The following CCDC6 variants were observed in gnomAD, a reference collection of about 807,000 sequenced individuals.
The protein encoded by CCDC6 is coiled-coil domain containing 6.
In CCDC6, 20 loss-of-function variants were observed where a neutral mutation model predicts 56.6. That is an observed-to-expected ratio of 0.35 (90% CI 0.25 to 0.51). The LOEUF is 0.51. Ranked by LOEUF, CCDC6 falls within the 20% of genes least tolerant of loss-of-function variation. The probability of loss-of-function intolerance (pLI) is 0.95; values close to 1 mark genes in which losing one functional copy is unlikely to be tolerated. For missense variants in CCDC6, 367 were observed against 601.1 expected (o/e 0.61, Z 4.07); for synonymous variants, 241 against 234.4 (o/e 1.03, Z -0.26).
intron 1 of CCDC6, among the ~76,000 whole-genome samples, chr10:59,887,467 T>G (rs1479051032): frequency 1.4e-5 from 2 of 145,414 alleles, no homozygotes; most frequent in African/African-American, 5.2e-5. Context: ...CACAATGGCT[T>G]ACCATGCAAC....
chr10:59,867,102 G>A (rs1245918181), intron 1 of CCDC6, among the ~76,000 whole-genome samples: 3 of 152,192 alleles, frequency 2.0e-5, no homozygotes, highest in African/African-American at 7.2e-5. Context: ...AAATGCACCA[G>A]AGAGCAACAA....
At chr10:59,822,266 A>G (rs991321144) in intron 3 of CCDC6, among the ~76,000 whole-genome samples, 1 of 152,262 alleles carries the variant, frequency 6.6e-6, no homozygotes, top group Non-Finnish European at 1.5e-5. Context: ...ACACTATTTC[A>G]TAACTTATCA....
intron 7 of CCDC6, among the ~76,000 whole-genome samples, chr10:59,798,956 T>A (rs943900891): frequency 7.6e-6 from 1 of 130,770 alleles, no homozygotes; most frequent in African/African-American, 3.0e-5. Context: ...ATCATGCCAC[T>A]GCACTCCAGC....
At chr10:59,814,123 G>A (rs1336963185) in intron 4 of CCDC6, among the ~76,000 whole-genome samples, 3 of 152,176 alleles carry the variant, frequency 2.0e-5, no homozygotes, top group Non-Finnish European at 2.9e-5. Flanking sequence ...AATGTTTGCT[G>A]TTGAGTGACA....
chr10:59,897,108 T>C (rs1194437165), intron 1 of CCDC6, among the ~76,000 whole-genome samples: 2 of 152,182 alleles, frequency 1.3e-5, no homozygotes, highest in Non-Finnish European at 2.9e-5. Context: ...CAAAGATTAG[T>C]AGGGCTACTA....
chr10:59,895,260 C>T (rs532208976), intron 1 of CCDC6, among the ~76,000 whole-genome samples: 1 of 152,320 alleles, frequency 6.6e-6, no homozygotes, highest in African/African-American at 2.4e-5. Flanking sequence ...AATGATGGCA[C>T]CACTGCACTG....
intron 3 of CCDC6, among the ~76,000 whole-genome samples, chr10:59,816,405 A>C (rs1201036555): frequency 6.6e-6 from 1 of 152,194 alleles, no homozygotes; most frequent in African/African-American, 2.4e-5. Flanking sequence ...TATTTCCTAC[A>C]AACAGGTACA....
chr10:59,803,385 T>C (rs1467700390), intron 7 of CCDC6, among the ~76,000 whole-genome samples: 2 of 152,214 alleles, frequency 1.3e-5, no homozygotes, highest in Non-Finnish European at 2.9e-5. Context: ...AACGCTGTTT[T>C]ACTTTATAAA....
At chr10:59,859,304 A>T (rs1475019295) in intron 1 of CCDC6, among the ~76,000 whole-genome samples, 2 of 152,088 alleles carry the variant, frequency 1.3e-5, no homozygotes, top group African/African-American at 4.8e-5. Flanking sequence ...ACCACTATAA[A>T]TAAGTTATAG....
At chr10:59,873,308 G>A (rs569213977) in intron 1 of CCDC6, among the ~76,000 whole-genome samples, 2 of 152,170 alleles carry the variant, frequency 1.3e-5, no homozygotes, top group Admixed American at 1.3e-4. Flanking sequence ...AATCCAATAC[G>A]ACTGCTGTCC....
At chr10:59,832,038 G>A (rs981169834) in intron 3 of CCDC6, among the ~76,000 whole-genome samples, 1 of 152,238 alleles carries the variant, frequency 6.6e-6, no homozygotes, top group African/African-American at 2.4e-5. Flanking sequence ...CTCAAGGTGA[G>A]TTACCAAGTC....
rs3793876 is a variant in CCDC6 at position 59,870,425 on chromosome 10, T to C, written c.304-17723A>G. On this transcript the variant is annotated intron_variant, in intron 1 of 8. Coordinates refer to ENST00000263102, the MANE Select transcript of CCDC6 (RefSeq NM_005436.5). ...ACACCCCCACATCCACTTGCACAGA[T>C]GCCACTGATACCAAAACACAGCACT... is the stretch of plus-strand genomic sequence containing the variant. Among the ~76,000 whole-genome samples, 109 of 152,298 alleles carry C rather than the reference T, an allele frequency of 7.2e-4. 1 individual carries two copies. In the East Asian group the frequency reaches 0.019, roughly 27 times the overall value.
At chr10:59,877,034 G>T (rs1264419902) in intron 1 of CCDC6, among the ~76,000 whole-genome samples, 1 of 152,130 alleles carries the variant, frequency 6.6e-6, no homozygotes, top group Non-Finnish European at 1.5e-5. Flanking sequence ...TGTAACATAA[G>T]ATTAGTATTT....
intron 1 of CCDC6, among the ~76,000 whole-genome samples, chr10:59,870,449 C>T (rs1356331343): frequency 6.6e-6 from 1 of 152,180 alleles, no homozygotes; most frequent in African/African-American, 2.4e-5. Context: ...AAACACAGCA[C>T]TATACTTGGT....
intron 2 of CCDC6, among the ~76,000 whole-genome samples, chr10:59,846,805 T>C (rs1326746394): frequency 6.6e-6 from 1 of 152,216 alleles, no homozygotes; most frequent in Non-Finnish European, 1.5e-5. Context: ...CCAGTTGTAA[T>C]CTATGGTTAA....
At chr10:59,883,603 T>C (rs900900554) in intron 1 of CCDC6, among the ~76,000 whole-genome samples, 1 of 152,246 alleles carries the variant, frequency 6.6e-6, no homozygotes, top group African/African-American at 2.4e-5. Context: ...AAAGTTTTAC[T>C]GGAAGGTTAC....
chr10:59,826,356 C>T (rs1247955663), intron 3 of CCDC6, among the ~76,000 whole-genome samples: 1 of 152,208 alleles, frequency 6.6e-6, no homozygotes. Flanking sequence ...TGCCTCCTCT[C>T]CCATCTCTGC....
At chr10:59,816,801 C>T (rs2070712864) in intron 3 of CCDC6, among the ~76,000 whole-genome samples, 1 of 152,126 alleles carries the variant, frequency 6.6e-6, no homozygotes. Context: ...TTAGTACATC[C>T]TCAGTATCTA....
chr10:59,906,153 T>C lies in CCDC6; in HGVS notation c.272A>G (p.Asn91Ser). 1.2e-6 allele frequency: 2 copies of C among 1,605,648 alleles called. No homozygotes were observed. Among genetic ancestry groups the C allele is most frequent in the Non-Finnish European group, 1.7e-6 (2 of 1,175,224 alleles). ...KLKCKALQEE[N>S]RDLRKASVTI... ...CACGCTGGCTTTGCGCAGGTCGCGG[T>C]TCTCCTCCTGCAGTGCCTTGCACTT... Residue 91 changes from asparagine to serine, a missense_variant, in exon 1 of 9, where the codon AAC (asparagine) becomes AGC (serine). Transcript: ENST00000263102.
Sources: allele counts gnomAD v4.1 joint callset (sites outside exome capture counted in the v4.1 genomes callset), GRCh38; gene constraint gnomAD v4.1.1; transcripts MANE v1.5; gene names NCBI Gene and HGNC (gene_info 2026-07-23, HGNC 2026-07-21).